CHODL: variants seen among roughly 807,000 people sequenced by gnomAD.
CHODL encodes transmembrane protein MT75.
In CHODL, 29 loss-of-function variants were observed where a neutral mutation model predicts 34.5. That is an observed-to-expected ratio of 0.84 (90% CI 0.63 to 1.15). CHODL has a LOEUF of 1.15. Among genes scored for constraint, CHODL ranks in the 50% most tolerant of loss-of-function variants. The pLI is 0.00. For synonymous variants in CHODL, 125 were observed against 116.1 expected, an observed-to-expected ratio of 1.08 and a Z score of -0.49; for missense variants, 332 against 332.5, an observed-to-expected ratio of 1.00 and a Z score of 0.01.
At chr21:18,226,046 G>T (rs921832859) in intron 2 of CHODL, among the ~76,000 whole-genome samples, 1 of 152,094 alleles carries the variant, frequency 6.6e-6, no homozygotes, top group Non-Finnish European at 1.5e-5. Flanking sequence ...GAGAAAAATT[G>T]AGGGGAGGAA....
chr21:18,054,528 T>C (rs1444423089), intron 2 of CHODL, among the ~76,000 whole-genome samples: 1 of 151,952 alleles, frequency 6.6e-6, no homozygotes. Context: ...TACTGTATGA[T>C]TTCACCTATA....
At chr21:18,026,210 G>A (rs1169002750) in intron 1 of CHODL, among the ~76,000 whole-genome samples, 2 of 152,128 alleles carry the variant, frequency 1.3e-5, no homozygotes, top group Non-Finnish European at 2.9e-5. Flanking sequence ...TGACAAATAC[G>A]TCAACCTCAG....
At chr21:17,942,316 A>G (rs1454823216) in intron 1 of CHODL, among the ~76,000 whole-genome samples, 1 of 152,108 alleles carries the variant, frequency 6.6e-6, no homozygotes, top group East Asian at 1.9e-4. Context: ...GTGGGAGGTA[A>G]TTGAATCATG....
At chr21:18,075,884 A>AC (rs2064859003) in intron 2 of CHODL, among the ~76,000 whole-genome samples, 1 of 152,184 alleles carries the variant, frequency 6.6e-6, no homozygotes, top group Non-Finnish European at 1.5e-5. Context: ...TAGTGCCTTT[A>AC]TAAAAGAGTC....
rs377382895 is a variant in CHODL, at chr21:18,132,361, C to T, written c.-45+104390C>T. 4.9e-4 allele frequency among the ~76,000 whole-genome samples: 75 copies of T among 152,244 alleles called. 1 individual carries two copies. The South Asian group carries it at 0.014, about 28-fold the overall frequency. On this transcript the variant is annotated intron_variant, in intron 2 of 6. Coordinates refer to the CHODL transcript ENST00000400127. The stretch of plus-strand genomic sequence containing the variant: ...ACTTATCATCTGATTAAGCATTTTG[C>T]AGATATGACATCTAGATATGGGAAA...
chr21:18,230,252 G>A (rs1041736742), intron 2 of CHODL, among the ~76,000 whole-genome samples: 2 of 152,088 alleles, frequency 1.3e-5, no homozygotes, highest in Admixed American at 1.3e-4. Context: ...AAAGAGCTGG[G>A]AAGACCTGAA....
intron 2 of CHODL, among the ~76,000 whole-genome samples, chr21:18,175,160 TTG>T: frequency 6.6e-6 from 1 of 152,346 alleles, no homozygotes; most frequent in African/African-American, 2.4e-5. Flanking sequence ...CTTTTATGTA[TTG>T]AGGCTCTCTA....
intron 2 of CHODL, among the ~76,000 whole-genome samples, chr21:18,191,866 A>G (rs1428492680): frequency 2.0e-5 from 3 of 152,182 alleles, no homozygotes; most frequent in Non-Finnish European, 2.9e-5. Flanking sequence ...TACGTTAGTA[A>G]GTTCTAGAGA....
rs2063336099 is a variant in CHODL, at chr21:17,938,496, G to GTTTTTTTTTTTTTTTT, written c.-145+21096_-145+21097insTTTTTTTTTTTTTTTT. ...TTTTTTTTTTTTTTTTTTTTTTTAA[G>GTTTTTTTTTTTTTTTT]GAAAGGGAGTCTCGCTCCATCGCCC... On this transcript the variant is annotated intron_variant, in intron 1 of 6. Transcript: ENST00000400127. Among the ~76,000 whole-genome samples the GTTTTTTTTTTTTTTTT allele has an allele frequency of 3.0e-4, 13 of 43,684 alleles. 4 individuals carry two copies. Among genetic ancestry groups the GTTTTTTTTTTTTTTTT allele is most frequent in the African/African-American group, 5.5e-4 (6 of 10,948 alleles). The allele number at this position is 43,684 out of a possible 152,430, so 28.7% of individuals were successfully genotyped here.
At chr21:18,158,652 A>G (rs1034313346) in intron 2 of CHODL, among the ~76,000 whole-genome samples, 4 of 152,120 alleles carry the variant, frequency 2.6e-5, no homozygotes, top group Non-Finnish European at 4.4e-5. Context: ...AGACTGGCCA[A>G]CATGGCGAGA....
chr21:17,946,549 T>G (rs2063411019), intron 1 of CHODL, among the ~76,000 whole-genome samples: 1 of 152,206 alleles, frequency 6.6e-6, no homozygotes, highest in South Asian at 2.1e-4. Context: ...ATTTATTCCT[T>G]TAGATTTATT....
chr21:18,261,359 A>AT (rs1268430488), intron 4 of CHODL, among the ~76,000 whole-genome samples: 10 of 140,098 alleles, frequency 7.1e-5, no homozygotes, highest in Non-Finnish European at 1.2e-4. Flanking sequence ...TTAAAGTATG[A>AT]TAAAAAAAAA....
chr21:18,170,486 C>G (rs532129474), intron 2 of CHODL, among the ~76,000 whole-genome samples: 43 of 152,188 alleles, frequency 2.8e-4, no homozygotes, highest in African/African-American at 1.0e-3. Flanking sequence ...TTTTGTACTT[C>G]TCTATTACTG....
intron 2 of CHODL, among the ~76,000 whole-genome samples, chr21:18,113,701 C>T (rs367814268): frequency 1.1e-4 from 17 of 152,270 alleles, no homozygotes; most frequent in Non-Finnish European, 2.2e-4. Context: ...GGTCTCTCCT[C>T]CAACATTGGG....
chr21:18,098,401 G>A (rs1178930436), intron 2 of CHODL, among the ~76,000 whole-genome samples: 1 of 151,894 alleles, frequency 6.6e-6, no homozygotes, highest in African/African-American at 2.4e-5. Flanking sequence ...GGGCAAAAGA[G>A]TTAAATAGAA....
rs974996386 is a variant in CHODL at position 17,937,194 on chromosome 21, G to A, written c.-145+19794G>A. Among the ~76,000 whole-genome samples, 4 of 152,094 alleles carry A rather than the reference G, an allele frequency of 2.6e-5. No homozygotes were observed. In the East Asian group the frequency reaches 5.8e-4, roughly 22 times the overall value. On this transcript the variant is annotated intron_variant, in intron 1 of 6. Coordinates refer to the CHODL transcript ENST00000400127. The stretch of plus-strand genomic sequence containing the variant: ...AGATCTTGATGATCCCAGAGCATCA[G>A]TTTTCCACTAAAGTCAGTGAAGTTA...
chr21:17,999,678 A>C (rs943412867), intron 1 of CHODL, among the ~76,000 whole-genome samples: 2 of 152,196 alleles, frequency 1.3e-5, no homozygotes, highest in Non-Finnish European at 2.9e-5. Context: ...AGACTTATTC[A>C]CTATCACGAG....
intron 2 of CHODL, among the ~76,000 whole-genome samples, chr21:18,115,585 A>T (rs1211376965): frequency 6.6e-6 from 1 of 152,212 alleles, no homozygotes; most frequent in Admixed American, 6.5e-5. Flanking sequence ...CTATTGCTCC[A>T]AATTTTAATC....
At chr21:17,922,309 T>TA (rs2063189304) in intron 1 of CHODL, among the ~76,000 whole-genome samples, 1 of 152,140 alleles carries the variant, frequency 6.6e-6, no homozygotes, top group Admixed American at 6.5e-5. Context: ...TCCTGTTGGC[T>TA]AAAGGTCATT....
Sources: allele counts gnomAD v4.1 joint callset (sites outside exome capture counted in the v4.1 genomes callset), GRCh38; gene constraint gnomAD v4.1.1; transcripts MANE v1.5; gene names NCBI Gene and HGNC (gene_info 2026-07-23, HGNC 2026-07-21).